SYNRG: variants seen among roughly 807,000 people sequenced by gnomAD.
SYNRG encodes the protein AP1 gamma subunit binding protein 1.
SYNRG carries 37 observed loss-of-function variants against 130.9 expected under a neutral mutation model. The observed-to-expected ratio is 0.28, with a 90% confidence interval of 0.22 to 0.37. The LOEUF (loss-of-function observed/expected upper bound fraction) is 0.37. Ranked by LOEUF, SYNRG falls within the 10% of genes least tolerant of loss-of-function variation. The probability of loss-of-function intolerance (pLI) is 1.00; values close to 1 mark genes in which losing one functional copy is unlikely to be tolerated. For synonymous variants in SYNRG, 539 were observed against 568.1 expected (o/e 0.95, Z 0.73); for missense variants, 1,338 against 1,588.9 (o/e 0.84, Z 2.68).
In SYNRG at chr17:37,520,542, C is replaced by T. The variant is rs1321883838; in HGVS notation, c.3773G>A (p.Ser1258Asn). The change falls in exon 20 of 22, where the codon AGC becomes AAC. Residue 1258 changes from serine (S) to asparagine (N), a missense_variant. Around this residue, in one of 3 missense-constraint regions of SYNRG, gnomAD observed 1,146 missense variants for 1,342.3 expected, o/e 0.85. Transcript: ENST00000612223. The stretch of plus-strand genomic sequence containing the variant: ...CAAGGAGGCTGCGTGACTTACCCGG[C>T]TCCTCGAGTCCACATTCAAGAGGCA... ...GVCLLNVDSR[S>N]RKEEKPAEEH... The T allele has an allele frequency of 6.2e-7, 1 of 1,614,072 alleles. No homozygotes were observed. Among genetic ancestry groups the T allele is most frequent in the East Asian group, 2.2e-5 (1 of 44,868 alleles).
At chr17:37,599,288 T>A (rs1013863681) in intron 2 of SYNRG, among the ~76,000 whole-genome samples, 1 of 152,226 alleles carries the variant, frequency 6.6e-6, no homozygotes, top group Non-Finnish European at 1.5e-5. Flanking sequence ...CACTGTTGTG[T>A]CCCAGTTGCA....
chr17:37,553,026 C>T, intron 14 of SYNRG, 89 bp downstream of exon 14: 1 of 1,220,454 alleles, frequency 8.2e-7, no homozygotes, highest in Non-Finnish European at 1.2e-6. Flanking sequence ...AGCTAAAGGG[C>T]CAGAGCCTTA....
chr17:37,572,925 A>T (rs2060542113), intron 8 of SYNRG, among the ~76,000 whole-genome samples: 1 of 152,168 alleles, frequency 6.6e-6, no homozygotes. Context: ...CTAAAAAATT[A>T]TTTGCTGTTT....
intron 1 of SYNRG, among the ~76,000 whole-genome samples, chr17:37,608,985 C>T (rs2064102894): frequency 7.7e-6 from 1 of 130,170 alleles, no homozygotes; most frequent in African/African-American, 3.0e-5. Context: ...TGATTTGCCC[C>T]GCCCCCCCCC....
chr17:37,576,681 C>T (rs1193314640), intron 7 of SYNRG, among the ~76,000 whole-genome samples: 1 of 152,072 alleles, frequency 6.6e-6, no homozygotes, highest in Non-Finnish European at 1.5e-5. Flanking sequence ...TCATATAAGC[C>T]TTGCACCATT....
chr17:37,589,941 C>T lies in SYNRG; in HGVS notation c.241-3392G>A, dbSNP rs145440169. On this transcript the variant is annotated intron_variant, in intron 3 of 21. Transcript: ENST00000612223. Reference sequence around the variant, plus strand: ...ATCCCAGCACTTTGGGAGGCTGAGGCAGGCAGATCACTTGAGGCCAGGAGT... The same window carrying T: ...ATCCCAGCACTTTGGGAGGCTGAGGTAGGCAGATCACTTGAGGCCAGGAGT... Among the ~76,000 whole-genome samples the T allele has an allele frequency of 2.7e-3, 404 of 152,032 alleles. 2 individuals carry two copies. Among genetic ancestry groups the T allele is most frequent in the African/African-American group, 9.4e-3 (390 of 41,472 alleles).
At chr17:37,605,973 C>T (rs1455482607) in intron 1 of SYNRG, 31 of 985,306 alleles carry the variant, frequency 3.1e-5, no homozygotes, top group Non-Finnish European at 3.6e-5. Flanking sequence ...TGATGCAGCA[C>T]AAGTGAGAGA....
intron 10 of SYNRG, among the ~76,000 whole-genome samples, chr17:37,570,425 A>C (rs938638401): frequency 6.6e-6 from 1 of 152,190 alleles, no homozygotes; most frequent in Non-Finnish European, 1.5e-5. Context: ...AATGACATTA[A>C]ATATTATATA....
chr17:37,550,343 A>C (rs1333473924), intron 14 of SYNRG, among the ~76,000 whole-genome samples: 1 of 152,234 alleles, frequency 6.6e-6, no homozygotes, highest in Non-Finnish European at 1.5e-5. Flanking sequence ...CAAAGGCTAA[A>C]ATGTACCAAT....
rs562495996 is a variant in SYNRG at position 37,520,320 on chromosome 17, T to C, written c.3778-106A>G. The stretch of plus-strand genomic sequence containing the variant: ...CCCTTTTCCCCTGACCTCCCCACTA[T>C]GCACAGGGTGCTGCAGGCATGAGAG... On this transcript the variant is annotated intron_variant, in intron 20 of 21. Coordinates refer to ENST00000612223, the MANE Select transcript of SYNRG (RefSeq NM_007247.6). 193 of 1,439,938 alleles carry C rather than the reference T, an allele frequency of 1.3e-4. No homozygotes were observed. In the African/African-American group the frequency reaches 1.8e-3, roughly 14 times the overall value. The allele number at this position is 1,439,938 out of a possible 1,614,324, so 89.2% of individuals were successfully genotyped here. A position where few individuals can be genotyped will look rare whatever the true frequency, so the allele number is the denominator to read the frequency against.
At chr17:37,572,362 G>T (rs1027693109) in intron 8 of SYNRG, among the ~76,000 whole-genome samples, 1 of 151,796 alleles carries the variant, frequency 6.6e-6, no homozygotes, top group African/African-American at 2.4e-5. Context: ...CGAGACAAAG[G>T]TTGCAGTGAG....
rs373821536 is a variant in SYNRG at position 37,561,585 on chromosome 17, G to A, written c.1486C>T (p.Pro496Ser). The A allele has an allele frequency of 2.5e-6, 4 of 1,605,570 alleles. No homozygotes were observed. Among genetic ancestry groups the A allele is most frequent in the Non-Finnish European group, 2.6e-6 (3 of 1,173,044 alleles). Residue 496 changes from proline (P) to serine (S), a missense_variant, in exon 12 of 22, where the codon CCT (proline) becomes TCT (serine). Around this residue, in one of 3 missense-constraint regions of SYNRG, gnomAD observed 1,146 missense variants for 1,342.3 expected, o/e 0.85. Transcript: ENST00000612223. ...CCAGGAAGTGGCATCAACAAAGAAG[G>A]GGCACTGAAGGAAAAAATAAACATA... ...TSNSQHGNSA[P>S]SLLMPLPGTK... is the part of the protein sequence containing the mutation.
At chr17:37,568,304 A>G (rs957266216) in intron 11 of SYNRG, 19 of 152,588 alleles carry the variant, frequency 1.2e-4, no homozygotes, top group African/African-American at 4.3e-4. Flanking sequence ...GCAGCTGTCT[A>G]TGCAAACAAC....
At chr17:37,597,556 A>G (rs1468701400) in intron 2 of SYNRG, among the ~76,000 whole-genome samples, 1 of 152,234 alleles carries the variant, frequency 6.6e-6, no homozygotes, top group African/African-American at 2.4e-5. Flanking sequence ...TACTATGCTC[A>G]AAGAAATGTT....
At chr17:37,549,419 T>C (rs935140994) in intron 14 of SYNRG, among the ~76,000 whole-genome samples, 1 of 152,156 alleles carries the variant, frequency 6.6e-6, no homozygotes, top group Non-Finnish European at 1.5e-5. Flanking sequence ...GAAAATGTTT[T>C]CTTAAAAATA....
At position 37,542,540 on chromosome 17, in the gene SYNRG, A is replaced by G. The variant is rs763790242; in HGVS notation, c.2634T>C (p.Ala878=). Residue 878 remains alanine, a synonymous_variant, in exon 15 of 22, where the codon GCT becomes GCC. Coordinates refer to ENST00000612223, the MANE Select transcript of SYNRG (RefSeq NM_007247.6). The stretch of plus-strand genomic sequence containing the variant: ...CAAAATTGCTACTGTAGCTTCCAAA[A>G]GCAGCATATTTTAAGTCCTCTATAT... ...AADIEDLKYA[A]FGSYSSNFAV... 5.6e-6 allele frequency: 9 copies of G among 1,611,916 alleles called. No homozygotes were observed. Among genetic ancestry groups the G allele is most frequent in the Non-Finnish European group, 7.6e-6 (9 of 1,179,710 alleles).
chr17:37,575,679 A>G (rs142107139), intron 8 of SYNRG, among the ~76,000 whole-genome samples: 1 of 151,888 alleles, frequency 6.6e-6, no homozygotes, highest in African/African-American at 2.4e-5. Context: ...CGTCTCTACA[A>G]AAAAATACAA....
At chr17:37,539,127 C>A in intron 17 of SYNRG, 65 bp downstream of exon 17, 1 of 1,600,966 alleles carries the variant, frequency 6.2e-7, no homozygotes, top group Non-Finnish European at 8.5e-7. Flanking sequence ...TTCAAATGAA[C>A]CAAGAAGGCA....
intron 14 of SYNRG, among the ~76,000 whole-genome samples, chr17:37,551,787 A>T (rs1213901065): frequency 1.4e-5 from 2 of 144,658 alleles, no homozygotes; most frequent in African/African-American, 5.1e-5. Flanking sequence ...AGCAGCTCAT[A>T]AAAAAAAAAA....
Sources: gnomAD v4.1 joint callset for allele counts (sites outside exome capture counted in the v4.1 genomes callset) on GRCh38, gnomAD v4.1.1 for gene constraint, gnomAD v4.1.1 regional missense constraint, MANE v1.5 for transcripts, NCBI Gene and HGNC (gene_info 2026-07-23, HGNC 2026-07-21) for gene names.